The following RCAN1 variants were observed in gnomAD, a reference collection of about 807,000 sequenced individuals.
RCAN1 encodes calcipressin-1.
Under a neutral mutation model 22.9 loss-of-function variants are expected in RCAN1, and 11 were observed. The observed-to-expected ratio is 0.48, with a 90% CI of 0.30 to 0.79. The LOEUF is 0.79. Ranked by LOEUF, RCAN1 falls within the 30% of genes least tolerant of loss-of-function variation. RCAN1 has a pLI of 0.06. For synonymous variants in RCAN1, 136 were observed against 142.3 expected (o/e 0.96, Z 0.32); for missense variants, 291 against 337.8 (o/e 0.86, Z 1.09).
At chr21:34,556,628 C>T (rs1244957769) in intron 1 of RCAN1, among the ~76,000 whole-genome samples, 1 of 151,986 alleles carries the variant, frequency 6.6e-6, no homozygotes, top group African/African-American at 2.4e-5. Context: ...AAATATACAA[C>T]AGAACTCTCT....
chr21:34,542,804 G>A (rs1012159103), intron 1 of RCAN1, among the ~76,000 whole-genome samples: 1 of 152,200 alleles, frequency 6.6e-6, no homozygotes, highest in Admixed American at 6.5e-5. Flanking sequence ...GGGTGTAAGA[G>A]GAAGGAGAGA....
intron 2 of RCAN1, chr21:34,521,962 T>G: frequency 3.2e-6 from 1 of 309,304 alleles, no homozygotes; most frequent in Non-Finnish European, 6.0e-6. Context: ...CTTTAGTATA[T>G]ATGGAAATTT....
intron 1 of RCAN1, among the ~76,000 whole-genome samples, chr21:34,578,878 T>A (rs1275254997): frequency 6.6e-6 from 1 of 151,906 alleles, no homozygotes; most frequent in Admixed American, 6.6e-5. Flanking sequence ...GTAGCTGGGT[T>A]TCCCATCCCG....
At position 34,518,346 on chromosome 21, in the gene RCAN1, C is replaced by T; in HGVS notation, c.587-90G>A. 3 of 1,392,366 alleles carry T rather than the reference C, an allele frequency of 2.2e-6. No homozygotes were observed. The South Asian group carries it at 4.0e-5, about 19-fold the overall frequency. The allele number at this position is 1,392,366 out of a possible 1,614,324, so 86.3% of individuals were successfully genotyped here. ...AAAGAGCATTCAGGGCTCTGCTGGG[C>T]CAGCTGCTCGTGACCATTCGATTGG... is the stretch of plus-strand genomic sequence containing the variant. On this transcript the variant is annotated intron_variant, in intron 3 of 3. Transcript: ENST00000313806. The surrounding 1 kb of genome is among the most constrained non-coding windows in gnomAD (Gnocchi z 4.2).
intron 1 of RCAN1, among the ~76,000 whole-genome samples, chr21:34,575,080 A>C (rs1252679479): frequency 6.6e-6 from 1 of 152,226 alleles, no homozygotes; most frequent in African/African-American, 2.4e-5. Flanking sequence ...GCATCTGCTA[A>C]AACTAGTTCA....
At chr21:34,537,964 G>A (rs1241729469) in intron 1 of RCAN1, among the ~76,000 whole-genome samples, 4 of 152,220 alleles carry the variant, frequency 2.6e-5, no homozygotes, top group Non-Finnish European at 5.9e-5. Context: ...GCCAGGGAAT[G>A]GTGGTGACAT....
chr21:34,531,046 AAAGGCATTATTAACTAAGGAG>A (rs1208473935), intron 1 of RCAN1, among the ~76,000 whole-genome samples: 1 of 152,214 alleles, frequency 6.6e-6, no homozygotes, highest in Admixed American at 6.5e-5. Context: ...TTGTGGTCTA[AAAGGCATTATTAACTAAGGAG>A]AAGGTTCTTA....
chr21:34,577,338 C>G (rs756771712), intron 1 of RCAN1, among the ~76,000 whole-genome samples: 15 of 152,202 alleles, frequency 9.9e-5, no homozygotes, highest in Non-Finnish European at 2.1e-4. Context: ...TGGCACGTGC[C>G]TATAATCCCA....
rs915731789 is a variant in RCAN1 at position 34,526,814 on chromosome 21, C to A, written c.253-3104G>T. ...TCAAGCCCCTAGTGAGATTCCTTTC[C>A]AAGAGGCTGTAGGTTCCTTCTTGAG... On this transcript the variant is annotated intron_variant, in intron 1 of 3. Transcript: ENST00000313806. 2.9e-5 allele frequency: 45 copies of A among 1,556,432 alleles called. No homozygotes were observed. In the Admixed American group the frequency reaches 8.3e-4, roughly 29 times the overall value.
At chr21:34,582,064 G>C (rs906437018) in intron 1 of RCAN1, among the ~76,000 whole-genome samples, 1 of 152,126 alleles carries the variant, frequency 6.6e-6, no homozygotes, top group African/African-American at 2.4e-5. Flanking sequence ...TTCTCCCGGG[G>C]GTTGCTTTGG....
At chr21:34,543,906 C>T (rs1986023115) in intron 1 of RCAN1, among the ~76,000 whole-genome samples, 1 of 152,202 alleles carries the variant, frequency 6.6e-6, no homozygotes, top group Non-Finnish European at 1.5e-5. Flanking sequence ...GAGTCAGTTG[C>T]CTGCTAGCCA....
At chr21:34,593,268 A>G (rs576752953) in intron 1 of RCAN1, among the ~76,000 whole-genome samples, 2 of 152,326 alleles carry the variant, frequency 1.3e-5, no homozygotes, top group East Asian at 3.9e-4. Flanking sequence ...AGTATTGGCA[A>G]TTTCATGTGT....
chr21:34,532,618 T>C (rs1163061586), intron 1 of RCAN1, among the ~76,000 whole-genome samples: 1 of 152,256 alleles, frequency 6.6e-6, no homozygotes, highest in Non-Finnish European at 1.5e-5. Flanking sequence ...TGTCATCCAC[T>C]GCTTCTACTT....
At chr21:34,544,005 A>G (rs1356706698) in intron 1 of RCAN1, among the ~76,000 whole-genome samples, 1 of 152,210 alleles carries the variant, frequency 6.6e-6, no homozygotes, top group Non-Finnish European at 1.5e-5. Flanking sequence ...CAGTTTCCTC[A>G]TTTGCAATTT....
chr21:34,542,218 A>G (rs1482194277), intron 1 of RCAN1, among the ~76,000 whole-genome samples: 1 of 152,216 alleles, frequency 6.6e-6, no homozygotes, highest in Non-Finnish European at 1.5e-5. Flanking sequence ...GCTCTCCTAC[A>G]GCCTTGCCAT....
At chr21:34,588,111 AT>A (rs1381540929) in intron 1 of RCAN1, among the ~76,000 whole-genome samples, 1 of 152,226 alleles carries the variant, frequency 6.6e-6, no homozygotes, top group African/African-American at 2.4e-5. Flanking sequence ...CCCTATATAC[AT>A]ATACATCCTA....
At chr21:34,589,958 T>A (rs984060448) in intron 1 of RCAN1, among the ~76,000 whole-genome samples, 13 of 152,212 alleles carry the variant, frequency 8.5e-5, no homozygotes, top group African/African-American at 3.1e-4. Context: ...GCTATGTCTA[T>A]CCTATTGGTT....
At chr21:34,613,842 T>A in intron 1 of RCAN1, 1 of 1,467,656 alleles carries the variant, frequency 6.8e-7, no homozygotes, top group East Asian at 2.6e-5. Context: ...CAACTATAGT[T>A]CATTGACAGC....
chr21:34,586,787 T>C (rs1426018443), intron 1 of RCAN1, among the ~76,000 whole-genome samples: 1 of 152,102 alleles, frequency 6.6e-6, no homozygotes, highest in Admixed American at 6.6e-5. Context: ...ACCCTGTCTC[T>C]ACTAAAAATA....
Sources: gnomAD v4.1 joint callset for allele counts (sites outside exome capture counted in the v4.1 genomes callset) on GRCh38, gnomAD v4.1.1 for gene constraint, Gnocchi (gnomAD v3.1) non-coding constraint, MANE v1.5 for transcripts, NCBI Gene and HGNC (gene_info 2026-07-23, HGNC 2026-07-21) for gene names.